The following SLC9B1 variants were observed in gnomAD, a reference collection of about 807,000 sequenced individuals.
SLC9B1 encodes sodium/hydrogen exchanger 9B1.
SLC9B1 carries 32 observed loss-of-function variants against 51.7 expected under a neutral mutation model. The observed-to-expected ratio is 0.62, with a 90% CI of 0.47 to 0.83. The LOEUF is 0.83. SLC9B1 is among the 40% of genes least tolerant of loss of function. The pLI is 0.00. For missense variants in SLC9B1, 406 were observed against 613.2 expected (o/e 0.66, Z 3.57); for synonymous variants, 145 against 212.7 (o/e 0.68, Z 2.77).
chr4:102,939,467 C>A (rs1736883275), intron 6 of SLC9B1, among the ~76,000 whole-genome samples: 1 of 145,684 alleles, frequency 6.9e-6, no homozygotes. Flanking sequence ...ACAAATTCTA[C>A]CAGAAGTGTA....
chr4:103,009,004 T>G (rs775006861), intron 1 of SLC9B1, among the ~76,000 whole-genome samples: 2 of 152,054 alleles, frequency 1.3e-5, no homozygotes, highest in African/African-American at 4.8e-5. Flanking sequence ...TTCACCGTGT[T>G]AGCCAGGATG....
chr4:102,951,562 AG>A (rs1399301713), intron 3 of SLC9B1, among the ~76,000 whole-genome samples: 2 of 152,020 alleles, frequency 1.3e-5, no homozygotes, highest in Non-Finnish European at 2.9e-5. Flanking sequence ...TAGAACATCT[AG>A]AAAAAACTGT....
chr4:102,920,787 A>C (rs890642645), intron 7 of SLC9B1, among the ~76,000 whole-genome samples: 2 of 152,256 alleles, frequency 1.3e-5, no homozygotes, highest in African/African-American at 4.8e-5. Context: ...TAGCCGATTC[A>C]ATCAAGTGGA....
Position 102,979,578 on chromosome 4 carries a change from A to G in SLC9B1, c.211+10222T>C, listed in dbSNP as rs370368139. Among the ~76,000 whole-genome samples, 16 of 151,888 alleles carry G rather than the reference A, an allele frequency of 1.1e-4. No homozygotes were observed. In the East Asian group the frequency reaches 3.1e-3, roughly 29 times the overall value. On this transcript the variant is annotated intron_variant, in intron 3 of 11. Coordinates refer to ENST00000296422, the MANE Select transcript of SLC9B1 (RefSeq NM_139173.4). ...CGATCTATGGAGAAGCCTTATGTTTACTCCATTTTTCCAAGGAGATCTTAC... is the reference window on the plus strand; with the variant it reads ...CGATCTATGGAGAAGCCTTATGTTTGCTCCATTTTTCCAAGGAGATCTTAC...
At chr4:102,973,299 C>G (rs1162425761) in intron 3 of SLC9B1, among the ~76,000 whole-genome samples, 1 of 152,034 alleles carries the variant, frequency 6.6e-6, no homozygotes, top group African/African-American at 2.4e-5. Context: ...GCTGGTATAG[C>G]TATTTTCATA....
At chr4:102,978,757 G>A (rs184335945) in intron 3 of SLC9B1, among the ~76,000 whole-genome samples, 3 of 152,262 alleles carry the variant, frequency 2.0e-5, no homozygotes, top group South Asian at 2.1e-4. Flanking sequence ...TCAGTGTGGC[G>A]ATTCCTCAGG....
intron 2 of SLC9B1, 63 bp downstream of exon 2, chr4:102,991,565 TAATAAGTAAATTAGG>T (rs1739939267): frequency 1.0e-6 from 1 of 1,000,652 alleles, no homozygotes; most frequent in Non-Finnish European, 1.4e-6. Flanking sequence ...GAAACCTATC[TAATAAGTAAATTAGG>T]AATAAATTTT....
At position 102,999,801 on chromosome 4, in the gene SLC9B1, T is replaced by C. The variant is rs112727181; in HGVS notation, c.-1-8089A>G. 3.3e-3 allele frequency among the ~76,000 whole-genome samples: 504 copies of C among 152,348 alleles called. 5 individuals carry two copies. The highest frequency in any genetic ancestry group is 0.017 in the Middle Eastern group (5 of 294). On this transcript the variant is annotated intron_variant, in intron 1 of 11. Coordinates refer to ENST00000296422, the MANE Select transcript of SLC9B1 (RefSeq NM_139173.4). ...GATAAATTATGGCAGTGTCACTTGA[T>C]TCCTCCCATATCAGGCATTGTATTA...
chr4:102,907,666 A>G (rs1735118662), intron 9 of SLC9B1, among the ~76,000 whole-genome samples: 1 of 152,148 alleles, frequency 6.6e-6, no homozygotes, highest in Non-Finnish European at 1.5e-5. Flanking sequence ...TTTCAGTCTC[A>G]GTCTGGGTTT....
At chr4:102,946,520 T>C (rs1350797585) in intron 5 of SLC9B1, 127 bp downstream of exon 5, 2 of 1,094,502 alleles carry the variant, frequency 1.8e-6, no homozygotes, top group African/African-American at 3.3e-5. Flanking sequence ...CCGGCCTTTT[T>C]TTCTTTATCT....
intron 1 of SLC9B1, among the ~76,000 whole-genome samples, chr4:102,994,664 G>C (rs1273837512): frequency 6.6e-6 from 1 of 152,196 alleles, no homozygotes; most frequent in Non-Finnish European, 1.5e-5. Flanking sequence ...ATAAAGGAAA[G>C]AGGTTTAATG....
intron 3 of SLC9B1, chr4:102,962,483 T>C (rs1738190749): frequency 2.0e-6 from 1 of 495,472 alleles, no homozygotes; most frequent in Non-Finnish European, 4.1e-6. Context: ...GTTTGAATTA[T>C]TTAATGTACC....
intron 3 of SLC9B1, among the ~76,000 whole-genome samples, chr4:102,954,037 C>T (rs1213897038): frequency 2.2e-5 from 1 of 45,674 alleles, no homozygotes; most frequent in Non-Finnish European, 3.6e-5. Context: ...AGAGGGCATC[C>T]CTGTCTTGTG....
intron 7 of SLC9B1, among the ~76,000 whole-genome samples, chr4:102,927,493 A>G (rs1479119150): frequency 6.6e-6 from 1 of 152,274 alleles, no homozygotes; most frequent in Non-Finnish European, 1.5e-5. Flanking sequence ...ATCACTGGTC[A>G]TCAGAGAAAT....
intron 3 of SLC9B1, chr4:102,962,466 A>G: frequency 4.0e-6 from 2 of 505,858 alleles, no homozygotes; most frequent in South Asian, 3.0e-5. Context: ...ATTTTTGCAG[A>G]AATTATGTTT....
At chr4:102,989,216 A>AT (rs1432406459) in intron 3 of SLC9B1, among the ~76,000 whole-genome samples, 1 of 152,060 alleles carries the variant, frequency 6.6e-6, no homozygotes, top group African/African-American at 2.4e-5. Context: ...TTTTTAATCA[A>AT]TTTTTTGTTC....
Position 102,905,610 on chromosome 4 carries a change from T to G in SLC9B1, c.1236A>C (p.Arg412=). The change falls in exon 11 of 12, where the codon CGA becomes CGC. Residue 412 remains arginine, a synonymous_variant. Coordinates refer to ENST00000296422, the MANE Select transcript of SLC9B1 (RefSeq NM_139173.4). ...VATLSLALCV[R]ILTTYLLMCF... Reference sequence around the variant, plus strand: ...ACATCAATAGATATGTGGTTAAAATTCGAACACATAATGCCAAACTTAGAG... The same window carrying G: ...ACATCAATAGATATGTGGTTAAAATGCGAACACATAATGCCAAACTTAGAG... 6.2e-7 allele frequency: 1 copy of G among 1,611,496 alleles called. No homozygotes were observed. The highest frequency in any genetic ancestry group is 8.5e-7 in the Non-Finnish European group (1 of 1,179,622).
chr4:102,920,987 T>G (rs1204573803), intron 7 of SLC9B1, among the ~76,000 whole-genome samples: 1 of 152,176 alleles, frequency 6.6e-6, no homozygotes, highest in East Asian at 1.9e-4. Flanking sequence ...AAAACACTCT[T>G]CAGGATATTA....
intron 1 of SLC9B1, among the ~76,000 whole-genome samples, chr4:102,996,264 GTTC>G (rs1263162438): frequency 6.6e-6 from 1 of 151,966 alleles, no homozygotes; most frequent in African/African-American, 2.4e-5. Context: ...ATTTGTTGGA[GTTC>G]TTTTTAGGTA....
Sources: allele counts gnomAD v4.1 joint callset (sites outside exome capture counted in the v4.1 genomes callset), GRCh38; gene constraint gnomAD v4.1.1; transcripts MANE v1.5; gene names NCBI Gene and HGNC (gene_info 2026-07-23, HGNC 2026-07-21).